The following MET variants were observed in gnomAD, a reference collection of about 807,000 sequenced individuals.
MET encodes hepatocyte growth factor receptor.
MET carries 48 observed loss-of-function variants against 133.1 expected under a neutral mutation model. The observed-to-expected ratio is 0.36, with a 90% CI of 0.29 to 0.46. The LOEUF is 0.46. Ranked by LOEUF, MET falls within the 20% of genes least tolerant of loss-of-function variation. The pLI is 1.00. For missense variants in MET, 1,442 were observed against 1,695.9 expected, an observed-to-expected ratio of 0.85 and a Z score of 2.63; for synonymous variants, 628 against 616.5, an observed-to-expected ratio of 1.02 and a Z score of -0.28.
At position 116,690,505 on chromosome 7, in the gene MET, G is replaced by C. The variant is rs140446411; in HGVS notation, c.-14-8566G>C. 3.1e-3 allele frequency among the ~76,000 whole-genome samples: 478 copies of C among 152,262 alleles called. 4 individuals carry two copies. The highest frequency in any genetic ancestry group is 0.011 in the African/African-American group (450 of 41,540). ...CTGAAAAATTCTGAAGATTCCTCCTGTCCCTTCGATTCACTGTTGGAAACC... is the reference window on the plus strand; with the variant it reads ...CTGAAAAATTCTGAAGATTCCTCCTCTCCCTTCGATTCACTGTTGGAAACC... On this transcript the variant is annotated intron_variant, in intron 1 of 20. Coordinates refer to ENST00000397752, the MANE Select transcript of MET (RefSeq NM_000245.4).
chr7:116,766,792 T>C (rs879712674), intron 11 of MET, among the ~76,000 whole-genome samples: 2 of 152,254 alleles, frequency 1.3e-5, no homozygotes, highest in Non-Finnish European at 2.9e-5. Flanking sequence ...ATAAAGATAG[T>C]AAAAAATATA....
intron 17 of MET, 80 bp from the exon 18 acceptor site, chr7:116,781,908 A>G (rs180802565): frequency 2.4e-5 from 22 of 925,992 alleles, no homozygotes; most frequent in Admixed American, 4.1e-5. Flanking sequence ...TTTTTTATAA[A>G]TAAATATTTC....
chr7:116,712,311 T>C (rs1480779494), intron 2 of MET, among the ~76,000 whole-genome samples: 1 of 152,222 alleles, frequency 6.6e-6, no homozygotes, highest in Non-Finnish European at 1.5e-5. Context: ...TTGTTGCGTT[T>C]CCTGAGCACA....
chr7:116,726,124 A>G (rs1168066116), intron 2 of MET, among the ~76,000 whole-genome samples: 1 of 17,710 alleles, frequency 5.6e-5, no homozygotes, highest in African/African-American at 2.3e-4. Flanking sequence ...GTCATTATGC[A>G]GCACATGACT....
At chr7:116,700,698 A>T (rs1040398598) in intron 2 of MET, among the ~76,000 whole-genome samples, 5 of 152,324 alleles carry the variant, frequency 3.3e-5, no homozygotes, top group African/African-American at 4.8e-5. Context: ...CATTTACAAG[A>T]TGTTCAAGCT....
rs1269529639 is a variant in MET at position 116,758,623 on chromosome 7, A to G, written c.2264+3A>G. 1 of 1,612,914 alleles carries G rather than the reference A, an allele frequency of 6.2e-7. No individual in the cohort carries two copies. The highest frequency in any genetic ancestry group is 1.1e-5 in the South Asian group (1 of 91,054). ...CATCCAACCAAATCTTTTATTAGGTAAGTAGAAGCTTCTGATGGGTATAAG... is the reference window on the plus strand; with the variant it reads ...CATCCAACCAAATCTTTTATTAGGTGAGTAGAAGCTTCTGATGGGTATAAG... On this transcript the variant is annotated splice_donor_region_variant and intron_variant, in intron 9 of 20. Transcript: ENST00000397752.
chr7:116,731,518 A>T (rs1208665247), intron 2 of MET, 150 bp from the exon 3 acceptor site: 3 of 758,428 alleles, frequency 4.0e-6, no homozygotes, highest in East Asian at 5.3e-5. Flanking sequence ...CAGTCCCTAG[A>T]AATATTTATG....
At chr7:116,716,878 G>C (rs1052214303) in intron 2 of MET, among the ~76,000 whole-genome samples, 1 of 152,220 alleles carries the variant, frequency 6.6e-6, no homozygotes, top group African/African-American at 2.4e-5. Flanking sequence ...TGTGCTCCCG[G>C]CTGTCTGGCT....
At chr7:116,687,172 A>G (rs530117692) in intron 1 of MET, among the ~76,000 whole-genome samples, 2 of 152,300 alleles carry the variant, frequency 1.3e-5, no homozygotes, top group East Asian at 3.9e-4. Context: ...CATACCGCCT[A>G]TATACACACA....
In MET at chr7:116,769,621, CTT is replaced by C. The variant is rs57349036; in HGVS notation, c.2584-10_2584-9del. On this transcript the variant is annotated intron_variant, in intron 11 of 20. Coordinates refer to ENST00000397752, the MANE Select transcript of MET (RefSeq NM_000245.4). Reference sequence around the variant, plus strand: ...TGCAGAACTGTGAAGTGTTAACAACCTTTTTTTTTTTTTTTCCTTTCAGGGAA... The same window carrying C: ...TGCAGAACTGTGAAGTGTTAACAACCTTTTTTTTTTTTTCCTTTCAGGGAA... 35,219 of 1,439,154 alleles carry C rather than the reference CTT, an allele frequency of 0.024. No homozygotes were observed. Among genetic ancestry groups the C allele is most frequent in the Middle Eastern group, 0.037 (194 of 5,298 alleles). 89.1% of individuals were successfully genotyped at this position (1,439,154 alleles called of 1,614,324 possible).
chr7:116,709,596 G>A (rs1038009299), intron 2 of MET, among the ~76,000 whole-genome samples: 1 of 152,056 alleles, frequency 6.6e-6, no homozygotes, highest in Non-Finnish European at 1.5e-5. Flanking sequence ...TGTTTTCCAA[G>A]GGAATAGGAG....
chr7:116,796,721 C>G lies in MET; in HGVS notation c.*597C>G, dbSNP rs1365527871. 2 of 204,096 alleles carry G rather than the reference C, an allele frequency of 9.8e-6. No individual in the cohort carries two copies. Among genetic ancestry groups the G allele is most frequent in the Non-Finnish European group, 1.0e-5 (1 of 99,142 alleles). The allele number at this position is 204,096 out of a possible 1,614,324, so 12.6% of individuals were successfully genotyped here. The stretch of plus-strand genomic sequence containing the variant: ...TGTGATCATAGCTCACTGCAACCTC[C>G]ACCTCCCAGGCTCAAGCCTCCCGAA... On this transcript the variant is annotated 3_prime_UTR_variant, in exon 21 of 21. Coordinates refer to ENST00000397752, the MANE Select transcript of MET (RefSeq NM_000245.4).
At chr7:116,772,323 T>G (rs1018082972) in intron 14 of MET, among the ~76,000 whole-genome samples, 2 of 152,214 alleles carry the variant, frequency 1.3e-5, no homozygotes, top group Admixed American at 6.5e-5. Context: ...CAAAATATAC[T>G]TATTTAAATG....
intron 2 of MET, among the ~76,000 whole-genome samples, chr7:116,729,970 G>A (rs566943801): frequency 2.0e-5 from 3 of 152,284 alleles, no homozygotes; most frequent in South Asian, 2.1e-4. Flanking sequence ...TGATCGCAGC[G>A]AGCTGCTTGG....
At chr7:116,689,618 G>T (rs1303881810) in intron 1 of MET, among the ~76,000 whole-genome samples, 1 of 141,760 alleles carries the variant, frequency 7.1e-6, no homozygotes, top group East Asian at 2.1e-4. Flanking sequence ...ATCCAGGCTG[G>T]AGTGCAATGG....
intron 3 of MET, among the ~76,000 whole-genome samples, chr7:116,739,490 A>G (rs1389241703): frequency 6.6e-6 from 1 of 152,214 alleles, no homozygotes; most frequent in Non-Finnish European, 1.5e-5. Context: ...CACAGCTGGA[A>G]CTAGCTCCAG....
At chr7:116,690,778 AC>A (rs1284192243) in intron 1 of MET, among the ~76,000 whole-genome samples, 1 of 152,162 alleles carries the variant, frequency 6.6e-6, no homozygotes, top group African/African-American at 2.4e-5. Context: ...AAATCCACGG[AC>A]TGTACACTCT....
intron 1 of MET, among the ~76,000 whole-genome samples, chr7:116,690,015 T>TA: frequency 6.6e-6 from 1 of 152,212 alleles, no homozygotes. Flanking sequence ...ACAAGATGGC[T>TA]AAAGGGTGGG....
At chr7:116,745,032 A>G (rs1391694378) in intron 5 of MET, among the ~76,000 whole-genome samples, 1 of 152,258 alleles carries the variant, frequency 6.6e-6, no homozygotes, top group Non-Finnish European at 1.5e-5. Flanking sequence ...AGAAAACTCC[A>G]TCGTCTCAGC....
Sources: gnomAD v4.1 joint callset for allele counts (sites outside exome capture counted in the v4.1 genomes callset) on GRCh38, gnomAD v4.1.1 for gene constraint, MANE v1.5 for transcripts, NCBI Gene and HGNC (gene_info 2026-07-23, HGNC 2026-07-21) for gene names.